COL21A1: variants seen among roughly 807,000 people sequenced by gnomAD.
COL21A1 encodes collagen type XXI alpha 1 chain.
A neutral mutation model predicts 137.9 loss-of-function variants in COL21A1; 149 were observed. The ratio of observed to expected loss-of-function variants is 1.08; its 90% CI spans 0.95 to 1.24. The LOEUF (loss-of-function observed/expected upper bound fraction) is 1.24, where lower values mean the gene tolerates loss of function less well. COL21A1 is among the 50% of genes most tolerant of loss of function. COL21A1 has a pLI of 0.00. For synonymous variants in COL21A1, 456 were observed against 391.5 expected (o/e 1.16, Z -1.95); for missense variants, 1,167 against 1,158.4 (o/e 1.01, Z -0.11).
intron 1 of COL21A1, among the ~76,000 whole-genome samples, chr6:56,367,876 A>G (rs1393960993): frequency 6.6e-6 from 1 of 152,098 alleles, no homozygotes; most frequent in East Asian, 1.9e-4. Flanking sequence ...CTCTGTGCCC[A>G]GCTATTTTTT....
At chr6:56,260,891 T>TGTGTGTGCGC in intron 1 of COL21A1, among the ~76,000 whole-genome samples, 1 of 150,668 alleles carries the variant, frequency 6.6e-6, no homozygotes, top group East Asian at 2.0e-4. Context: ...TGTGTGTGTG[T>TGTGTGTGCGC]GTACCTTTTA....
At chr6:56,276,968 T>A (rs1032907680) in intron 1 of COL21A1, among the ~76,000 whole-genome samples, 1 of 108,798 alleles carries the variant, frequency 9.2e-6, no homozygotes, top group African/African-American at 3.7e-5. Context: ...CCGCCACGCC[T>A]GGCTAATTTA....
intron 1 of COL21A1, among the ~76,000 whole-genome samples, chr6:56,302,601 T>TA (rs1163310467): frequency 1.3e-5 from 2 of 152,234 alleles, no homozygotes; most frequent in Non-Finnish European, 2.9e-5. Flanking sequence ...GTAAATTTGT[T>TA]AGAGTTCATT....
At chr6:56,183,457 T>C (rs2152283794) in intron 1 of COL21A1, among the ~76,000 whole-genome samples, 2 of 152,336 alleles carry the variant, frequency 1.3e-5, no homozygotes, top group Middle Eastern at 6.8e-3. Context: ...AAAGCTGGTG[T>C]AACAGATTGG....
intron 13 of COL21A1, among the ~76,000 whole-genome samples, 168 bp from the exon 14 acceptor site, chr6:56,125,788 A>G (rs929410444): frequency 1.3e-5 from 2 of 152,038 alleles, no homozygotes; most frequent in Non-Finnish European, 2.9e-5. Context: ...CAGGCTTTAT[A>G]AAGAAAAATT....
In COL21A1 at chr6:56,077,418, A is replaced by T. The variant is rs115106404; in HGVS notation, c.1857+111T>A. On this transcript the variant is annotated intron_variant, in intron 18 of 29. Transcript: ENST00000244728. ...AAAACAACGTCTTCTAAAATTATAT[A>T]ATATTTGAAAAATTAACTGTTACCA... The T allele has an allele frequency of 5.0e-3, 3,610 of 728,980 alleles. 101 individuals carry two copies. The African/African-American group carries it at 0.06, about 12-fold the overall frequency. 45.2% of individuals were successfully genotyped at this position (728,980 alleles called of 1,614,324 possible).
intron 24 of COL21A1, among the ~76,000 whole-genome samples, 184 bp downstream of exon 24, chr6:56,064,394 A>T (rs1027043141): frequency 6.6e-6 from 1 of 152,092 alleles, no homozygotes; most frequent in African/African-American, 2.4e-5. Flanking sequence ...GTGAAAACAC[A>T]AAACAAATAA....
upstream of COL21A1, among the ~76,000 whole-genome samples, chr6:56,249,382 T>C (rs962786691): frequency 2.0e-5 from 3 of 152,042 alleles, no homozygotes; most frequent in Non-Finnish European, 2.9e-5. Context: ...GCCAAGAAAA[T>C]CAAAAACATA....
chr6:56,161,998 G>T (rs1776238787), intron 9 of COL21A1, among the ~76,000 whole-genome samples: 2 of 152,124 alleles, frequency 1.3e-5, no homozygotes, highest in South Asian at 4.1e-4. Flanking sequence ...CGATTTGATG[G>T]ACTTCTGCAA....
At chr6:56,378,334 G>C (rs2094003228) in intron 1 of COL21A1, among the ~76,000 whole-genome samples, 1 of 152,118 alleles carries the variant, frequency 6.6e-6, no homozygotes, top group Admixed American at 6.5e-5. Context: ...CTGGGATAGA[G>C]CAGAGCCCAT....
intron 17 of COL21A1, among the ~76,000 whole-genome samples, chr6:56,085,959 T>TAG (rs79735622): frequency 0.15 from 22,342 of 147,944 alleles, 1,711 homozygotes; most frequent in Middle Eastern, 0.23. Context: ...CATTTACATA[T>TAG]AGTCTCATAT....
At chr6:56,149,227 G>T (rs1250339492) in intron 10 of COL21A1, among the ~76,000 whole-genome samples, 1 of 151,982 alleles carries the variant, frequency 6.6e-6, no homozygotes, top group Non-Finnish European at 1.5e-5. Flanking sequence ...GACTTAATAG[G>T]CATTAAAGAT....
At chr6:56,260,369 G>T (rs1245348140) in intron 1 of COL21A1, among the ~76,000 whole-genome samples, 1 of 151,746 alleles carries the variant, frequency 6.6e-6, no homozygotes, top group Non-Finnish European at 1.5e-5. Context: ...GATCACCTGA[G>T]GTCAGGAGTT....
chr6:56,081,952 G>T (rs186377414), intron 17 of COL21A1, among the ~76,000 whole-genome samples: 7 of 151,944 alleles, frequency 4.6e-5, no homozygotes, highest in African/African-American at 1.7e-4. Context: ...AGAGAACAAA[G>T]ATATCATAGG....
intron 1 of COL21A1, among the ~76,000 whole-genome samples, chr6:56,346,155 T>C (rs943989514): frequency 3.3e-5 from 5 of 152,222 alleles, no homozygotes; most frequent in South Asian, 2.1e-4. Context: ...ATGTGGCCAA[T>C]GCGCAGATCA....
In COL21A1 at chr6:56,316,477, C is replaced by CTT. The variant is rs60388494; in HGVS notation, c.-39+77492_-39+77493dup. Among the ~76,000 whole-genome samples, 85 of 75,784 alleles carry CTT rather than the reference C, an allele frequency of 1.1e-3. 4 individuals are homozygous for CTT. The highest frequency in any genetic ancestry group is 2.4e-3 in the East Asian group (5 of 2,110). 49.7% of individuals were successfully genotyped at this position (75,784 alleles called of 152,430 possible). On this transcript the variant is annotated intron_variant, in intron 1 of 28. Transcript: ENST00000370819. Reference sequence around the variant, plus strand: ...CACACCTTTTAAAATTCTAAATAGACTTTTTTTTTTTTTTTTTTTTTTGAG... The same window carrying CTT: ...CACACCTTTTAAAATTCTAAATAGACTTTTTTTTTTTTTTTTTTTTTTTTGAG...
At chr6:56,354,884 T>C (rs997716496) in intron 1 of COL21A1, among the ~76,000 whole-genome samples, 16 of 152,062 alleles carry the variant, frequency 1.1e-4, no homozygotes, top group African/African-American at 3.9e-4. Flanking sequence ...ATATATACAA[T>C]GGAAGAAAAC....
chr6:56,258,460 C>T (rs1247845445), intron 1 of COL21A1, among the ~76,000 whole-genome samples: 3 of 152,150 alleles, frequency 2.0e-5, no homozygotes. Flanking sequence ...ATCCTTCTAA[C>T]CTTAGGTGCT....
At chr6:56,125,700 A>G (rs957399113) in intron 13 of COL21A1, 80 bp from the exon 14 acceptor site, 1 of 932,988 alleles carries the variant, frequency 1.1e-6, no homozygotes, top group Admixed American at 3.1e-5. Flanking sequence ...GATTATAAGC[A>G]AAAGAGTTTA....
Sources: gnomAD v4.1 joint callset for allele counts (sites outside exome capture counted in the v4.1 genomes callset) on GRCh38, gnomAD v4.1.1 for gene constraint, MANE v1.5 for transcripts, NCBI Gene and HGNC (gene_info 2026-07-23, HGNC 2026-07-21) for gene names.